COL21A1: variants seen among roughly 807,000 people sequenced by gnomAD.
COL21A1 encodes the protein collagen alpha-1(XXI) chain.
In COL21A1, 149 loss-of-function variants were observed where a neutral mutation model predicts 137.9. The observed-to-expected ratio is 1.08, with a 90% CI of 0.95 to 1.24. COL21A1 has a LOEUF of 1.24. Ranked by LOEUF, COL21A1 falls within the 50% of genes most tolerant of loss-of-function variation. COL21A1 has a pLI of 0.00. For missense variants in COL21A1, 1,167 were observed against 1,158.4 expected (o/e 1.01, Z -0.11); for synonymous variants, 456 against 391.5 (o/e 1.16, Z -1.95).
chr6:56,389,873 CA>C (rs2152353627), intron 1 of COL21A1, among the ~76,000 whole-genome samples: 1 of 152,186 alleles, frequency 6.6e-6, no homozygotes, highest in East Asian at 1.9e-4. Context: ...CTTCCCCAGA[CA>C]AACAAAAGTT....
At position 56,256,700 on chromosome 6, in the gene COL21A1, A is replaced by G. The variant is rs1015327581; in HGVS notation, c.-38-74044T>C. ...TTCTCTGGCCAAATAATATTTTTTA[A>G]AAATTTTAAAAACCCCTTTTTTAAA... On this transcript the variant is annotated intron_variant, in intron 1 of 28. Coordinates refer to the COL21A1 transcript ENST00000370819. Among the ~76,000 whole-genome samples the G allele has an allele frequency of 2.9e-4, 44 of 152,044 alleles. 1 individual carries two copies. The highest frequency in any genetic ancestry group is 6.5e-5 in the Admixed American group (1 of 15,268).
At chr6:56,191,556 C>G (rs1197793602) in intron 1 of COL21A1, among the ~76,000 whole-genome samples, 1 of 146,706 alleles carries the variant, frequency 6.8e-6, no homozygotes, top group African/African-American at 2.5e-5. Context: ...CACACCACTG[C>G]ACTCCAGCCT....
intron 1 of COL21A1, among the ~76,000 whole-genome samples, chr6:56,219,374 C>G (rs886985081): frequency 6.6e-6 from 1 of 151,964 alleles, no homozygotes; most frequent in Non-Finnish European, 1.5e-5. Flanking sequence ...AACTGCAATG[C>G]CTGCAGCCAG....
At chr6:56,160,471 A>G (rs1021438598) in intron 9 of COL21A1, among the ~76,000 whole-genome samples, 4 of 152,164 alleles carry the variant, frequency 2.6e-5, no homozygotes, top group Non-Finnish European at 5.9e-5. Context: ...ACAATAATAC[A>G]CTGATCAGAA....
intron 1 of COL21A1, among the ~76,000 whole-genome samples, chr6:56,377,342 C>G (rs181299943): frequency 6.6e-6 from 1 of 152,022 alleles, no homozygotes; most frequent in East Asian, 1.9e-4. Context: ...CCCGATTCCC[C>G]ACTCCCCTCT....
intron 1 of COL21A1, among the ~76,000 whole-genome samples, chr6:56,340,068 C>T (rs531492193): frequency 1.3e-5 from 2 of 152,110 alleles, no homozygotes; most frequent in East Asian, 1.9e-4. Context: ...AAAAAAACGC[C>T]ATCTCAGAAC....
chr6:56,205,918 T>C lies in COL21A1; in HGVS notation c.-38-23262A>G, dbSNP rs536953091. Among the ~76,000 whole-genome samples the C allele has an allele frequency of 2.6e-5, 4 of 152,086 alleles. No homozygotes were observed. The South Asian group carries it at 8.3e-4, about 32-fold the overall frequency. ...AGTGAAAGAGAAATAAAATCCTTTA[T>C]AGACAAGCAAATGCTGAGAGATTTT... On this transcript the variant is annotated intron_variant, in intron 1 of 29. Coordinates refer to ENST00000244728, the MANE Select transcript of COL21A1 (RefSeq NM_030820.4).
At chr6:56,065,432 T>A (rs1226613255) in intron 23 of COL21A1, among the ~76,000 whole-genome samples, 2 of 152,056 alleles carry the variant, frequency 1.3e-5, no homozygotes, top group Non-Finnish European at 2.9e-5. Context: ...GGCCTTCAAG[T>A]CACTCACTGT....
intron 16 of COL21A1, among the ~76,000 whole-genome samples, chr6:56,112,783 CA>C (rs1203286782): frequency 2.7e-5 from 4 of 149,324 alleles, no homozygotes; most frequent in Non-Finnish European, 5.9e-5. Context: ...CTCCCAGGTT[CA>C]ACCGATTCTC....
chr6:56,332,545 A>G (rs6459150), intron 1 of COL21A1, among the ~76,000 whole-genome samples: 138,999 of 150,156 alleles, frequency 0.93, 64,412 homozygotes, highest in East Asian at 1. Context: ...TTTATGTCTC[A>G]AAGGATTGGG....
intron 17 of COL21A1, among the ~76,000 whole-genome samples, chr6:56,085,765 C>T (rs1768187296): frequency 6.6e-6 from 1 of 151,514 alleles, no homozygotes; most frequent in South Asian, 2.1e-4. Context: ...GCAGAATGGC[C>T]CCTAGAAAAC....
At chr6:56,253,273 G>A (rs891295757) in intron 1 of COL21A1, among the ~76,000 whole-genome samples, 1 of 152,180 alleles carries the variant, frequency 6.6e-6, no homozygotes, top group Non-Finnish European at 1.5e-5. Flanking sequence ...AGTGATTGTA[G>A]TAGTCCTTGA....
intron 1 of COL21A1, among the ~76,000 whole-genome samples, chr6:56,209,605 C>T (rs1022486122): frequency 3.5e-4 from 53 of 152,122 alleles, no homozygotes; most frequent in African/African-American, 1.1e-3. Flanking sequence ...GTTAGAATGA[C>T]GATCATTAAA....
chr6:56,287,200 A>C (rs1258362540), intron 1 of COL21A1, among the ~76,000 whole-genome samples: 1 of 152,206 alleles, frequency 6.6e-6, no homozygotes, highest in Non-Finnish European at 1.5e-5. Flanking sequence ...GACATATTTG[A>C]AGCAGGATAT....
chr6:56,317,829 C>T (rs1422767759), intron 1 of COL21A1, among the ~76,000 whole-genome samples: 4 of 152,124 alleles, frequency 2.6e-5, no homozygotes, highest in South Asian at 2.1e-4. Flanking sequence ...CCTTCCTTCA[C>T]CTACTTGATC....
chr6:56,141,865 G>A (rs1222015202), intron 11 of COL21A1, 27 bp from the exon 12 acceptor site: 3 of 1,611,222 alleles, frequency 1.9e-6, no homozygotes, highest in Non-Finnish European at 2.5e-6. Context: ...ATAAAATTTT[G>A]TTAATTATCG....
chr6:56,302,106 A>G (rs1764310473), intron 1 of COL21A1, among the ~76,000 whole-genome samples: 1 of 151,494 alleles, frequency 6.6e-6, no homozygotes, highest in Non-Finnish European at 1.5e-5. Flanking sequence ...TATGTGCCAC[A>G]TTTTCTTAAT....
At chr6:56,169,175 C>T (rs1776832830) in intron 5 of COL21A1, among the ~76,000 whole-genome samples, 1 of 151,890 alleles carries the variant, frequency 6.6e-6, no homozygotes, top group African/African-American at 2.4e-5. Flanking sequence ...ATAATTTAGG[C>T]TCATGGAACT....
At chr6:56,362,239 G>T (rs1166070330) in intron 1 of COL21A1, among the ~76,000 whole-genome samples, 2 of 152,142 alleles carry the variant, frequency 1.3e-5, no homozygotes, top group Non-Finnish European at 2.9e-5. Context: ...TATTTTAAAT[G>T]TATAATCGTG....
Sources: allele counts gnomAD v4.1 joint callset (sites outside exome capture counted in the v4.1 genomes callset), GRCh38; gene constraint gnomAD v4.1.1; transcripts MANE v1.5; gene names NCBI Gene and HGNC (gene_info 2026-07-23, HGNC 2026-07-21).